The following LOXL2 variants were observed in gnomAD, a reference collection of about 807,000 sequenced individuals.
LOXL2 encodes lysyl oxidase like 2.
A neutral mutation model predicts 93.0 loss-of-function variants in LOXL2; 70 were observed. The ratio of observed to expected loss-of-function variants is 0.75; its 90% CI spans 0.62 to 0.92. The LOEUF (loss-of-function observed/expected upper bound fraction) is 0.92. Ranked by LOEUF, LOXL2 falls within the 40% of genes least tolerant of loss-of-function variation. The pLI is 0.00. For synonymous variants in LOXL2, 438 were observed against 413.2 expected (o/e 1.06, Z -0.73); for missense variants, 973 against 1,054.9 (o/e 0.92, Z 1.08).
At chr8:23,305,959 C>T (rs1193133553) in intron 10 of LOXL2, among the ~76,000 whole-genome samples, 5 of 151,980 alleles carry the variant, frequency 3.3e-5, no homozygotes, top group African/African-American at 9.7e-5. Context: ...CTACAGAGCA[C>T]GCCACCATGC....
At chr8:23,298,779 T>C (rs1177085566) in intron 13 of LOXL2, 57 bp downstream of exon 13, 2 of 1,098,914 alleles carry the variant, frequency 1.8e-6, no homozygotes, top group African/African-American at 1.5e-5. Flanking sequence ...CTCTGGGTCC[T>C]TGAGAAAGTA....
At chr8:23,360,910 GT>G (rs1322094751) in intron 2 of LOXL2, among the ~76,000 whole-genome samples, 2 of 147,516 alleles carry the variant, frequency 1.4e-5, no homozygotes, top group African/African-American at 2.5e-5. Context: ...TTTGTTTTTT[GT>G]TTTTTTTTTA....
intron 3 of LOXL2, among the ~76,000 whole-genome samples, chr8:23,347,206 C>CT (rs1804005979): frequency 7.5e-6 from 1 of 134,004 alleles, no homozygotes; most frequent in African/African-American, 2.9e-5. Context: ...CACACACACA[C>CT]ACTAGCTGGG....
At chr8:23,328,670 GCACT>G (rs780242868) in intron 5 of LOXL2, 105 bp from the exon 6 acceptor site, 68 of 1,058,348 alleles carry the variant, frequency 6.4e-5, no homozygotes, top group Non-Finnish European at 9.2e-5. Context: ...CCCAGGCCAG[GCACT>G]CAGTCTGGGA....
At position 23,333,554 on chromosome 8, in the gene LOXL2, G is replaced by A; in HGVS notation, c.813C>T (p.His271=). 6.2e-7 allele frequency: 1 copy of A among 1,613,940 alleles called. No homozygotes were observed. The highest frequency in any genetic ancestry group is 1.3e-5 in the African/African-American group (1 of 75,076). ...FSMDCTGTEA[H]ISSCKLGPQV... is the part of the protein sequence containing the mutation. ...GGGGGCCCAGCTTGCAGCTGGAGAT[G>A]TGGGCCTCTGTGCCGGTGCAGTCCA... Residue 271 remains histidine (H), a synonymous_variant, in exon 5 of 14, where the codon CAC becomes CAT. Transcript: ENST00000389131.
chr8:23,330,903 G>A (rs1430222307), intron 5 of LOXL2, among the ~76,000 whole-genome samples: 3 of 152,078 alleles, frequency 2.0e-5, no homozygotes, highest in South Asian at 2.1e-4. Context: ...GGTCCCCTCT[G>A]TGCTCTTCAG....
intron 3 of LOXL2, among the ~76,000 whole-genome samples, chr8:23,346,859 C>T (rs1803998390): frequency 6.6e-6 from 1 of 152,136 alleles, no homozygotes; most frequent in South Asian, 2.1e-4. Context: ...GGAGGGGTGG[C>T]AGGACAATGC....
At chr8:23,307,711 C>T (rs1236323194) in intron 10 of LOXL2, among the ~76,000 whole-genome samples, 1 of 152,086 alleles carries the variant, frequency 6.6e-6, no homozygotes, top group African/African-American at 2.4e-5. Context: ...ACACGTTCCC[C>T]GAAGGGAGCC....
chr8:23,386,017 A>T, intron 1 of LOXL2: 1 of 765,330 alleles, frequency 1.3e-6, no homozygotes, highest in South Asian at 1.3e-5. Context: ...CAACCCCCTG[A>T]GCAAGGTATT....
intron 1 of LOXL2, among the ~76,000 whole-genome samples, chr8:23,380,546 T>G (rs936258210): frequency 6.6e-6 from 1 of 152,216 alleles, no homozygotes; most frequent in Non-Finnish European, 1.5e-5. Context: ...TTTTGCCTCT[T>G]TTGTAGGGCC....
intron 5 of LOXL2, chr8:23,328,967 G>A (rs1310940183): frequency 5.5e-6 from 1 of 181,414 alleles, no homozygotes; most frequent in Non-Finnish European, 1.1e-5. Flanking sequence ...AGAAAGAAGC[G>A]CCTACCCTCC....
At chr8:23,331,908 T>G (rs1585353404) in intron 5 of LOXL2, 1 of 150,496 alleles carries the variant, frequency 6.6e-6, no homozygotes, top group East Asian at 1.9e-4. Context: ...TGGTGGCGGG[T>G]GCCTGTCATC....
At chr8:23,353,152 C>T (rs919173841) in intron 3 of LOXL2, among the ~76,000 whole-genome samples, 14 of 152,186 alleles carry the variant, frequency 9.2e-5, no homozygotes, top group African/African-American at 2.2e-4. Context: ...GCGGAGCAGC[C>T]GGGGAGCAGA....
intron 1 of LOXL2, among the ~76,000 whole-genome samples, chr8:23,386,877 G>A (rs1034651297): frequency 1.3e-5 from 2 of 152,178 alleles, no homozygotes; most frequent in Non-Finnish European, 2.9e-5. Flanking sequence ...GCTTTCACAG[G>A]CACGCAAGGG....
chr8:23,385,110 T>G (rs1036050442), intron 1 of LOXL2, among the ~76,000 whole-genome samples: 1 of 151,546 alleles, frequency 6.6e-6, no homozygotes, highest in African/African-American at 2.4e-5. Flanking sequence ...GCCTGTTTTA[T>G]GTATTTATTT....
chr8:23,329,293 T>C (rs534005370), intron 5 of LOXL2, among the ~76,000 whole-genome samples: 9 of 152,308 alleles, frequency 5.9e-5, no homozygotes, highest in Admixed American at 4.6e-4. Context: ...AAGTCCAAAT[T>C]GGCCTGACTC....
chr8:23,326,561 C>G (rs1317969292), intron 6 of LOXL2, among the ~76,000 whole-genome samples: 1 of 152,174 alleles, frequency 6.6e-6, no homozygotes, highest in Non-Finnish European at 1.5e-5. Context: ...CAAGACCAGC[C>G]TGGCCAACAT....
At chr8:23,394,000 A>G (rs1029652136) in intron 1 of LOXL2, among the ~76,000 whole-genome samples, 1 of 152,252 alleles carries the variant, frequency 6.6e-6, no homozygotes, top group Non-Finnish European at 1.5e-5. Flanking sequence ...AAGGGAAAAG[A>G]TAACCCACAG....
chr8:23,298,184 C>T, intron 13 of LOXL2, 62 bp from the exon 14 acceptor site: 1 of 1,351,010 alleles, frequency 7.4e-7, no homozygotes, highest in Non-Finnish European at 1.1e-6. Flanking sequence ...TTGCCTGACC[C>T]TGAGCCAGGG....
Sources: gnomAD v4.1 joint callset for allele counts (sites outside exome capture counted in the v4.1 genomes callset) on GRCh38, gnomAD v4.1.1 for gene constraint, MANE v1.5 for transcripts, NCBI Gene and HGNC (gene_info 2026-07-23, HGNC 2026-07-21) for gene names.